Variants in DLGAP2 observed in about 807,000 individuals in gnomAD.
The protein encoded by DLGAP2 is DLG associated protein 2.
In DLGAP2, 26 loss-of-function variants were observed where a neutral mutation model predicts 100.3. The ratio of observed to expected loss-of-function variants is 0.26; its 90% confidence interval spans 0.19 to 0.36. The LOEUF is 0.36. DLGAP2 is among the 10% of genes least tolerant of loss of function. The pLI, the probability that DLGAP2 is intolerant of heterozygous loss-of-function variation, is 1.00. For synonymous variants in DLGAP2, 886 were observed against 630.1 expected, an observed-to-expected ratio of 1.41 and a Z score of -6.08; for missense variants, 1,858 against 1,453.2, an observed-to-expected ratio of 1.28 and a Z score of -4.53.
rs142296251 is a variant in DLGAP2, at chr8:1,270,742, C to G, written c.106+11859C>G. On this transcript the variant is annotated intron_variant, in intron 3 of 14. Transcript: ENST00000637795. ...TGTGTCTCCCTCTCTCTTTGTGTCT[C>G]TCTGTGTGTCTACCTCTCTCTGTGT... Among the ~76,000 whole-genome samples the G allele has an allele frequency of 4.1e-3, 626 of 151,310 alleles. 3 individuals are homozygous for G. The highest frequency in any genetic ancestry group is 0.014 in the African/African-American group (585 of 41,158).
chr8:1,012,864 G>T (rs1392860656), intron 2 of DLGAP2, among the ~76,000 whole-genome samples: 3 of 151,910 alleles, frequency 2.0e-5, no homozygotes, highest in Admixed American at 6.6e-5. Context: ...AGCACGCCAG[G>T]TTCTGCTGAG....
intron 3 of DLGAP2, among the ~76,000 whole-genome samples, chr8:1,308,806 T>G (rs928515583): frequency 6.6e-6 from 1 of 152,244 alleles, no homozygotes; most frequent in African/African-American, 2.4e-5. Flanking sequence ...ATTACAGGCA[T>G]GAGCCACCGT....
At chr8:1,030,349 A>C (rs886324874) in intron 2 of DLGAP2, among the ~76,000 whole-genome samples, 2 of 152,092 alleles carry the variant, frequency 1.3e-5, no homozygotes, top group Admixed American at 1.3e-4. Context: ...ATTTTTTTCA[A>C]ATACAGTTCT....
chr8:1,376,239 AG>A (rs1437362851), intron 3 of DLGAP2, among the ~76,000 whole-genome samples: 2 of 152,234 alleles, frequency 1.3e-5, no homozygotes, highest in African/African-American at 2.4e-5. Flanking sequence ...CTGTGGGTGA[AG>A]GGCCCGGGAC....
In DLGAP2 at chr8:1,164,144, A is replaced by G. The variant is rs1479709716; in HGVS notation, c.74-94707A>G. On this transcript the variant is annotated intron_variant, in intron 2 of 14. Coordinates refer to ENST00000637795, the MANE Select transcript of DLGAP2 (RefSeq NM_001346810.2). ...GGGCCCGTCATTTTGGTTTGTGGGG[A>G]TTTTTCTGTGAGCCCCCCAGGGCCC... is the stretch of plus-strand genomic sequence containing the variant. Among the ~76,000 whole-genome samples the G allele has an allele frequency of 1.5e-4, 16 of 106,770 alleles. 3 individuals are homozygous for G. Among genetic ancestry groups the G allele is most frequent in the African/African-American group, 6.1e-4 (16 of 26,230 alleles). The allele number at this position is 106,770 out of a possible 152,430, so 70.0% of individuals were successfully genotyped here.
intron 2 of DLGAP2, among the ~76,000 whole-genome samples, chr8:1,009,790 C>T (rs1284551850): frequency 1.3e-5 from 2 of 152,164 alleles, no homozygotes; most frequent in East Asian, 1.9e-4. Context: ...ATAATCCTGG[C>T]GCTTTGCAGA....
At chr8:1,336,254 A>C (rs970951216) in intron 3 of DLGAP2, among the ~76,000 whole-genome samples, 21 of 152,252 alleles carry the variant, frequency 1.4e-4, no homozygotes, top group Admixed American at 3.9e-4. Flanking sequence ...TGCTGATTCA[A>C]TGCTAGCATG....
chr8:1,320,887 CTG>C (rs1311118368), intron 3 of DLGAP2, among the ~76,000 whole-genome samples: 3 of 152,004 alleles, frequency 2.0e-5, no homozygotes, highest in East Asian at 1.9e-4. Flanking sequence ...GTGCACATGT[CTG>C]TATGCACAGG....
chr8:887,962 CA>C (rs1797954795), intron 1 of DLGAP2, among the ~76,000 whole-genome samples: 1 of 152,192 alleles, frequency 6.6e-6, no homozygotes, highest in African/African-American at 2.4e-5. Flanking sequence ...TAATATCCTG[CA>C]GTGTGTTTTC....
At chr8:993,961 G>A (rs1208453188) in intron 2 of DLGAP2, among the ~76,000 whole-genome samples, 1 of 151,958 alleles carries the variant, frequency 6.6e-6, no homozygotes, top group Non-Finnish European at 1.5e-5. Context: ...TGTAATTGTG[G>A]AGTAGACTTA....
At chr8:959,111 T>G (rs900378794) in intron 2 of DLGAP2, among the ~76,000 whole-genome samples, 1 of 152,198 alleles carries the variant, frequency 6.6e-6, no homozygotes, top group African/African-American at 2.4e-5. Flanking sequence ...AAGCTAACAG[T>G]AATAAAGTGA....
chr8:1,298,391 T>C (rs1800243139), intron 3 of DLGAP2, among the ~76,000 whole-genome samples: 1 of 152,064 alleles, frequency 6.6e-6, no homozygotes, highest in South Asian at 2.1e-4. Context: ...ACTGTCGCCG[T>C]CCCTCAGTGG....
In DLGAP2 at chr8:1,648,038, C is replaced by T. The variant is rs555472938; in HGVS notation, c.1810+14992C>T. Among the ~76,000 whole-genome samples the T allele has an allele frequency of 3.3e-5, 5 of 152,320 alleles. No homozygotes were observed. The South Asian group carries it at 1.0e-3, about 32-fold the overall frequency. On this transcript the variant is annotated intron_variant, in intron 8 of 14. Transcript: ENST00000637795. ...CCACATTTCATGTCACTGCCATGCC[C>T]AAGGCCTGTGGCGATAAGCCAGATG...
chr8:1,607,538 C>T (rs193016311), intron 6 of DLGAP2, among the ~76,000 whole-genome samples: 3 of 152,356 alleles, frequency 2.0e-5, no homozygotes, highest in African/African-American at 7.2e-5. Context: ...AGAAAGACAT[C>T]GGGCCTGTGT....
intron 3 of DLGAP2, among the ~76,000 whole-genome samples, chr8:1,384,182 A>T (rs1334260335): frequency 6.6e-6 from 1 of 152,284 alleles, no homozygotes; most frequent in African/African-American, 2.4e-5. Context: ...CAAAGGATTC[A>T]TAAAAGTTAA....
At chr8:1,046,368 T>G (rs921599492) in intron 2 of DLGAP2, among the ~76,000 whole-genome samples, 1 of 152,200 alleles carries the variant, frequency 6.6e-6, no homozygotes, top group Admixed American at 6.5e-5. Flanking sequence ...TGTTTTTATT[T>G]TGCTTGTACT....
chr8:1,052,479 G>C (rs1328209310), intron 2 of DLGAP2, among the ~76,000 whole-genome samples: 3 of 152,202 alleles, frequency 2.0e-5, no homozygotes, highest in Non-Finnish European at 2.9e-5. Flanking sequence ...AAAGGCAGTG[G>C]GGAGAGGAGG....
rs552529201 is a variant in DLGAP2 at position 1,580,509 on chromosome 8, T to A, written c.1442+14615T>A. On this transcript the variant is annotated intron_variant, in intron 6 of 14. Transcript: ENST00000637795. ...GAGCTATCAAATGTTCTCACACACATAGAACCTGAATCCCAGCCAGAAAGA... is the reference window on the plus strand; with the variant it reads ...GAGCTATCAAATGTTCTCACACACAAAGAACCTGAATCCCAGCCAGAAAGA... Among the ~76,000 whole-genome samples the A allele has an allele frequency of 6.4e-4, 98 of 152,198 alleles. 1 individual carries two copies. The Middle Eastern group carries it at 0.01, about 16-fold the overall frequency.
chr8:1,415,497 G>A (rs7812917), intron 3 of DLGAP2, among the ~76,000 whole-genome samples: 1 of 151,788 alleles, frequency 6.6e-6, no homozygotes, highest in Non-Finnish European at 1.5e-5. Context: ...GGTGTCTGCT[G>A]TTCGCACCTT....
Sources: allele counts gnomAD v4.1 joint callset (sites outside exome capture counted in the v4.1 genomes callset), GRCh38; gene constraint gnomAD v4.1.1; transcripts MANE v1.5; gene names NCBI Gene and HGNC (gene_info 2026-07-23, HGNC 2026-07-21).